Variants in SLC16A10 observed in about 807,000 individuals in gnomAD.
SLC16A10 encodes the protein monocarboxylate transporter 10.
SLC16A10 carries 27 observed loss-of-function variants against 40.0 expected under a neutral mutation model. The ratio of observed to expected loss-of-function variants is 0.67; its 90% CI spans 0.50 to 0.93. The LOEUF is 0.93. SLC16A10 is among the 40% of genes least tolerant of loss of function. The pLI is 0.00. For synonymous variants in SLC16A10, 213 were observed against 249.8 expected, an observed-to-expected ratio of 0.85 and a Z score of 1.39; for missense variants, 529 against 658.2, an observed-to-expected ratio of 0.80 and a Z score of 2.15.
At chr6:111,104,084 G>A (rs753660424) in intron 1 of SLC16A10, among the ~76,000 whole-genome samples, 11 of 152,156 alleles carry the variant, frequency 7.2e-5, no homozygotes, top group Non-Finnish European at 1.2e-4. Context: ...GTCGAGGGCC[G>A]AGGATATGTA....
rs1288037173 is a variant in SLC16A10, at chr6:111,227,137, A to C, written c.*4902A>C. ...TGAGACCTTGTCTACAAAAAGGAAA[A>C]AAAAATTTGTTCTGCTCTACTATAC... is the stretch of plus-strand genomic sequence containing the variant. On this transcript the variant is annotated 3_prime_UTR_variant, in exon 6 of 6. Transcript: ENST00000368851. 6.6e-6 allele frequency: 1 copy of C among 152,274 alleles called. No homozygotes were observed. Among genetic ancestry groups the C allele is most frequent in the Non-Finnish European group, 1.5e-5 (1 of 68,078 alleles). 9.4% of individuals were successfully genotyped at this position (152,274 alleles called of 1,614,324 possible).
chr6:111,147,895 AGT>A (rs1772107263), intron 1 of SLC16A10, among the ~76,000 whole-genome samples: 1 of 152,170 alleles, frequency 6.6e-6, no homozygotes, highest in African/African-American at 2.4e-5. Flanking sequence ...TTGATTTGCG[AGT>A]GTGTGTTTGT....
At chr6:111,177,991 TAG>T (rs1254218476) in intron 3 of SLC16A10, among the ~76,000 whole-genome samples, 4 of 152,110 alleles carry the variant, frequency 2.6e-5, no homozygotes, top group African/African-American at 9.7e-5. Flanking sequence ...CTAGACAACA[TAG>T]AGAGACTCTA....
intron 1 of SLC16A10, among the ~76,000 whole-genome samples, chr6:111,117,756 T>C (rs888543321): frequency 6.6e-6 from 1 of 152,104 alleles, no homozygotes; most frequent in African/African-American, 2.4e-5. Flanking sequence ...GGGGAGAGAA[T>C]AGAAAAACTA....
At chr6:111,166,005 G>C (rs1342871606) in intron 1 of SLC16A10, among the ~76,000 whole-genome samples, 2 of 152,144 alleles carry the variant, frequency 1.3e-5, no homozygotes, top group Non-Finnish European at 2.9e-5. Flanking sequence ...TAACTGACCA[G>C]TTTGCATGGC....
At chr6:111,120,666 C>T (rs1319309646) in intron 1 of SLC16A10, among the ~76,000 whole-genome samples, 3 of 152,140 alleles carry the variant, frequency 2.0e-5, no homozygotes, top group Non-Finnish European at 4.4e-5. Context: ...AGCATTGGTC[C>T]AGATGACTTT....
At chr6:111,178,608 A>G (rs1226234015) in intron 3 of SLC16A10, 1 of 272,934 alleles carries the variant, frequency 3.7e-6, no homozygotes, top group African/African-American at 2.3e-5. Context: ...GCCCCTGGCA[A>G]CGTTTGTTCA....
chr6:111,216,659 CCCT>C (rs1462279116), intron 4 of SLC16A10, among the ~76,000 whole-genome samples: 2 of 151,842 alleles, frequency 1.3e-5, no homozygotes. Flanking sequence ...TCGTGATCCG[CCCT>C]CCTCAGCCTC....
At position 111,227,519 on chromosome 6, in the gene SLC16A10, A is replaced by G. The variant is rs1771023474; in HGVS notation, c.*5284A>G. The stretch of plus-strand genomic sequence containing the variant: ...TTCATGACATCTTTGAATCACTCAG[A>G]AAAATCTTGAAACTCAGGACGTAGT... On this transcript the variant is annotated 3_prime_UTR_variant, in exon 6 of 6. Coordinates refer to ENST00000368851, the MANE Select transcript of SLC16A10 (RefSeq NM_018593.5). The G allele has an allele frequency of 6.6e-6, 1 of 152,202 alleles. No individual in the cohort carries two copies. Among genetic ancestry groups the G allele is most frequent in the Non-Finnish European group, 1.5e-5 (1 of 68,036 alleles). 9.4% of individuals were successfully genotyped at this position (152,202 alleles called of 1,614,324 possible).
At chr6:111,110,586 T>C (rs1248921395) in intron 1 of SLC16A10, among the ~76,000 whole-genome samples, 2 of 151,960 alleles carry the variant, frequency 1.3e-5, no homozygotes, top group East Asian at 1.9e-4. Flanking sequence ...GATCAGGAAA[T>C]GGAGGGGAAG....
chr6:111,221,263 T>G (rs1235589248), intron 5 of SLC16A10, among the ~76,000 whole-genome samples: 14 of 152,214 alleles, frequency 9.2e-5, no homozygotes. Flanking sequence ...AGAACCCGAA[T>G]ATAGAATGCC....
At chr6:111,162,339 A>T (rs1314010069) in intron 1 of SLC16A10, among the ~76,000 whole-genome samples, 1 of 152,178 alleles carries the variant, frequency 6.6e-6, no homozygotes, top group South Asian at 2.1e-4. Context: ...TCAAATACCT[A>T]TGAGTTGGGT....
chr6:111,208,888 G>A (rs1773296452), intron 4 of SLC16A10, among the ~76,000 whole-genome samples: 1 of 152,082 alleles, frequency 6.6e-6, no homozygotes, highest in South Asian at 2.1e-4. Context: ...CATAGAATAT[G>A]AATTATATCT....
intron 4 of SLC16A10, among the ~76,000 whole-genome samples, chr6:111,216,262 G>T (rs976041786): frequency 6.6e-6 from 1 of 152,154 alleles, no homozygotes; most frequent in Non-Finnish European, 1.5e-5. Flanking sequence ...AAGAAATTAT[G>T]CTTGTGCTGT....
chr6:111,134,871 C>T (rs1187917454), intron 1 of SLC16A10, among the ~76,000 whole-genome samples: 1 of 152,176 alleles, frequency 6.6e-6, no homozygotes, highest in African/African-American at 2.4e-5. Flanking sequence ...CCATCACCCT[C>T]ACAGAGCCCT....
chr6:111,088,132 C>T (rs759369953), intron 1 of SLC16A10, 37 bp downstream of exon 1: 2 of 1,577,258 alleles, frequency 1.3e-6, no homozygotes, highest in South Asian at 1.2e-5. Context: ...GCCTGGGCGA[C>T]CCGCGTGGGG....
At chr6:111,210,050 A>T (rs1016514749) in intron 4 of SLC16A10, among the ~76,000 whole-genome samples, 2 of 152,204 alleles carry the variant, frequency 1.3e-5, no homozygotes, top group African/African-American at 4.8e-5. Context: ...GGACACAGGA[A>T]AATGATTGGA....
At chr6:111,198,464 C>A (rs1311239814) in intron 3 of SLC16A10, among the ~76,000 whole-genome samples, 2 of 152,148 alleles carry the variant, frequency 1.3e-5, no homozygotes, top group East Asian at 3.8e-4. Context: ...GTTGTGCAAA[C>A]ATCATAGAGT....
intron 3 of SLC16A10, among the ~76,000 whole-genome samples, chr6:111,195,555 C>T (rs376350604): frequency 8.5e-5 from 13 of 152,138 alleles, no homozygotes; most frequent in African/African-American, 2.9e-4. Context: ...ACTGCTTGGG[C>T]GAAAGTATAT....
Sources: gnomAD v4.1 joint callset for allele counts (sites outside exome capture counted in the v4.1 genomes callset) on GRCh38, gnomAD v4.1.1 for gene constraint, MANE v1.5 for transcripts, NCBI Gene and HGNC (gene_info 2026-07-23, HGNC 2026-07-21) for gene names.